CPEB4: variants seen among roughly 807,000 people sequenced by gnomAD.
CPEB4 encodes cytoplasmic polyadenylation element binding protein 4.
CPEB4 carries 12 observed loss-of-function variants against 72.5 expected under a neutral mutation model. That is an observed-to-expected ratio of 0.17 (90% confidence interval 0.11 to 0.27). The LOEUF is 0.27. Ranked by LOEUF, CPEB4 falls within the 10% of genes least tolerant of loss-of-function variation. The pLI is 1.00. For missense variants in CPEB4, 614 were observed against 908.5 expected (o/e 0.68, Z 4.17); for synonymous variants, 302 against 326.3 (o/e 0.93, Z 0.80).
intron 2 of CPEB4, among the ~76,000 whole-genome samples, chr5:173,931,171 C>T (rs1757434384): frequency 6.6e-6 from 1 of 152,078 alleles, no homozygotes; most frequent in South Asian, 2.1e-4. Flanking sequence ...ACATTGAAGA[C>T]CTTAAGTTCC....
chr5:173,905,942 C>T (rs1360291037), intron 1 of CPEB4, among the ~76,000 whole-genome samples: 1 of 152,180 alleles, frequency 6.6e-6, no homozygotes, highest in Non-Finnish European at 1.5e-5. Flanking sequence ...TGCCCAAGCT[C>T]ATAAAATACG....
intron 3 of CPEB4, among the ~76,000 whole-genome samples, chr5:173,937,208 A>G (rs1166211073): frequency 6.6e-6 from 1 of 151,806 alleles, no homozygotes; most frequent in African/African-American, 2.4e-5. Flanking sequence ...ATGCCCAGCT[A>G]ATTTTTGTAT....
At position 173,959,674 on chromosome 5, in the gene CPEB4, C is replaced by T. The variant is rs1758488220; in HGVS notation, c.*3537C>T. Reference sequence around the variant, plus strand: ...GTTTCTAAAGAAAAGAATCAGAAATCAATCTTTCTACTAATGTAAATTTGA... The same window carrying T: ...GTTTCTAAAGAAAAGAATCAGAAATTAATCTTTCTACTAATGTAAATTTGA... On this transcript the variant is annotated 3_prime_UTR_variant, in exon 10 of 10. Transcript: ENST00000265085. The T allele has an allele frequency of 6.6e-6, 1 of 152,626 alleles. No individual in the cohort carries two copies. The highest frequency in any genetic ancestry group is 2.4e-5 in the African/African-American group (1 of 41,410). 9.5% of individuals were successfully genotyped at this position (152,626 alleles called of 1,614,324 possible). A position where few individuals can be genotyped will look rare whatever the true frequency, so the allele number is the denominator to read the frequency against.
intron 9 of CPEB4, among the ~76,000 whole-genome samples, chr5:173,954,299 C>T (rs1426574578): frequency 6.6e-6 from 1 of 152,138 alleles, no homozygotes. Context: ...ATCCTACAAA[C>T]TGTGAATCTA....
At chr5:173,929,526 C>T (rs1757365942) in intron 2 of CPEB4, among the ~76,000 whole-genome samples, 2 of 152,010 alleles carry the variant, frequency 1.3e-5, no homozygotes, top group Non-Finnish European at 2.9e-5. Context: ...TAGGGAGACC[C>T]CCATCTCTAC....
At position 173,930,947 on chromosome 5, in the gene CPEB4, C is replaced by T. The variant is rs1038125846; in HGVS notation, c.1208-1503C>T. ...CGGAGCTTGCAGTGACCCGAGATTGCGCCACTGCACTCCAGCCTTGGAGAC... is the reference window on the plus strand; with the variant it reads ...CGGAGCTTGCAGTGACCCGAGATTGTGCCACTGCACTCCAGCCTTGGAGAC... On this transcript the variant is annotated intron_variant, in intron 2 of 9. Transcript: ENST00000265085. Among the ~76,000 whole-genome samples, 7 of 144,880 alleles carry T rather than the reference C, an allele frequency of 4.8e-5. No homozygotes were observed. In the South Asian group the frequency reaches 1.3e-3, roughly 27 times the overall value.
chr5:173,905,307 T>C (rs1756393655), intron 1 of CPEB4, among the ~76,000 whole-genome samples: 1 of 152,086 alleles, frequency 6.6e-6, no homozygotes. Context: ...GCTTATTTTA[T>C]GTTTTATGTA....
chr5:173,958,257 A>C lies in CPEB4; in HGVS notation c.*2120A>C, dbSNP rs2113316495. The stretch of plus-strand genomic sequence containing the variant: ...GCTAACTTATTTTGTCATGCACATA[A>C]TGTATATTTGTTATGCACTACTTTT... On this transcript the variant is annotated 3_prime_UTR_variant, in exon 10 of 10. Coordinates refer to ENST00000265085, the MANE Select transcript of CPEB4 (RefSeq NM_030627.4). 1 of 152,876 alleles carries C rather than the reference A, an allele frequency of 6.5e-6. No homozygotes were observed. Among genetic ancestry groups the C allele is most frequent in the South Asian group, 2.1e-4 (1 of 4,832 alleles). 9.5% of individuals were successfully genotyped at this position (152,876 alleles called of 1,614,324 possible). A position where few individuals can be genotyped will look rare whatever the true frequency, so the allele number is the denominator to read the frequency against.
At position 173,958,448 on chromosome 5, in the gene CPEB4, TAA is replaced by T. The variant is rs1293258719; in HGVS notation, c.*2313_*2314del. On this transcript the variant is annotated 3_prime_UTR_variant, in exon 10 of 10. Transcript: ENST00000265085. ...CATTTTTTAATATAAATAATTTTAA[TAA>T]ATTTTATTTTCTTATATTCTGCTTT... The T allele has an allele frequency of 6.6e-6, 1 of 152,232 alleles. No individual in the cohort carries two copies. The highest frequency in any genetic ancestry group is 1.5e-5 in the Non-Finnish European group (1 of 67,970). The allele number at this position is 152,232 out of a possible 1,614,324, so 9.4% of individuals were successfully genotyped here.
chr5:173,947,716 G>T (rs116197017), intron 5 of CPEB4, among the ~76,000 whole-genome samples: 47 of 152,212 alleles, frequency 3.1e-4, no homozygotes, highest in African/African-American at 1.1e-3. Context: ...TTGTGTTTGG[G>T]CGTGTATTTC....
At chr5:173,898,715 T>C (rs61476773) in intron 1 of CPEB4, among the ~76,000 whole-genome samples, 2,126 of 152,364 alleles carry the variant, frequency 0.014, 54 homozygotes, top group African/African-American at 0.047. Flanking sequence ...CTCATTCTGT[T>C]GCCCAGACTA....
chr5:173,918,850 C>T (rs1756972438), intron 2 of CPEB4, among the ~76,000 whole-genome samples: 1 of 152,156 alleles, frequency 6.6e-6, no homozygotes, highest in African/African-American at 2.4e-5. Flanking sequence ...ATTACTTAAG[C>T]AGCCCCTTTA....
chr5:173,935,969 A>G (rs1302596042), intron 3 of CPEB4, among the ~76,000 whole-genome samples: 1 of 152,230 alleles, frequency 6.6e-6, no homozygotes, highest in Non-Finnish European at 1.5e-5. Context: ...AGGCAGTGCC[A>G]ATATAATTCA....
intron 1 of CPEB4, among the ~76,000 whole-genome samples, chr5:173,906,234 C>T (rs1756430869): frequency 6.6e-6 from 1 of 152,196 alleles, no homozygotes; most frequent in East Asian, 1.9e-4. Flanking sequence ...GGAAAACCAG[C>T]ATTGTTTGTA....
At chr5:173,910,229 G>A (rs1440923889) in intron 1 of CPEB4, among the ~76,000 whole-genome samples, 1 of 151,494 alleles carries the variant, frequency 6.6e-6, no homozygotes, top group African/African-American at 2.4e-5. Flanking sequence ...TTACACTTAT[G>A]TAATGTTCTT....
intron 1 of CPEB4, among the ~76,000 whole-genome samples, chr5:173,894,849 C>T (rs946736326): frequency 7.3e-5 from 11 of 151,654 alleles, no homozygotes; most frequent in South Asian, 2.1e-4. Flanking sequence ...GCCTCCCAGA[C>T]GCATGTAAGA....
At chr5:173,914,617 G>A (rs764773135) in intron 2 of CPEB4, among the ~76,000 whole-genome samples, 3 of 152,076 alleles carry the variant, frequency 2.0e-5, no homozygotes, top group Admixed American at 6.5e-5. Flanking sequence ...TTATCCGGGC[G>A]TGGTAGTGTG....
intron 1 of CPEB4, among the ~76,000 whole-genome samples, chr5:173,899,166 T>A (rs1008082831): frequency 4.6e-5 from 7 of 152,254 alleles, no homozygotes; most frequent in African/African-American, 1.7e-4. Flanking sequence ...TTAAATATAT[T>A]CCATGGTAGA....
At chr5:173,910,714 G>A in intron 2 of CPEB4, 110 bp downstream of exon 2, 1 of 714,130 alleles carries the variant, frequency 1.4e-6, no homozygotes, top group Non-Finnish European at 2.4e-6. Context: ...TTTGTATGCA[G>A]TAAGTTCTAT....
Sources: allele counts gnomAD v4.1 joint callset (sites outside exome capture counted in the v4.1 genomes callset), GRCh38; gene constraint gnomAD v4.1.1; transcripts MANE v1.5; gene names NCBI Gene and HGNC (gene_info 2026-07-23, HGNC 2026-07-21).